The following CYP27C1 variants were observed in gnomAD, a reference collection of about 807,000 sequenced individuals.
The protein encoded by CYP27C1 is cytochrome P450 27C1.
A neutral mutation model predicts 40.6 loss-of-function variants in CYP27C1; 29 were observed. That is an observed-to-expected ratio of 0.71 (90% CI 0.53 to 0.97). The LOEUF is 0.97. CYP27C1 is among the 50% of genes least tolerant of loss of function. The probability of loss-of-function intolerance (pLI) is 0.00; values close to 1 mark genes in which losing one functional copy is unlikely to be tolerated. For synonymous variants in CYP27C1, 198 were observed against 186.8 expected (o/e 1.06, Z -0.49); for missense variants, 390 against 485.8 (o/e 0.80, Z 1.85).
At chr2:127,187,873 T>C (rs1481826685) in intron 8 of CYP27C1, among the ~76,000 whole-genome samples, 1 of 152,206 alleles carries the variant, frequency 6.6e-6, no homozygotes, top group African/African-American at 2.4e-5. Flanking sequence ...GCTACTATCC[T>C]GAATTTAAAT....
intron 1 of CYP27C1, among the ~76,000 whole-genome samples, chr2:127,206,531 C>G (rs1375983210): frequency 6.6e-6 from 1 of 152,180 alleles, no homozygotes; most frequent in Non-Finnish European, 1.5e-5. Context: ...TGGTCTCGAA[C>G]TCTTGGCCTC....
rs181975017 is a variant in CYP27C1 at position 127,196,176 on chromosome 2, C to T, written c.1048-675G>A. 2.6e-5 allele frequency among the ~76,000 whole-genome samples: 4 copies of T among 152,170 alleles called. No individual in the cohort carries two copies. The highest frequency in any genetic ancestry group is 2.0e-4 in the Admixed American group (3 of 15,290). ...CTCCCGGGTTCATGCCATTCTCCTGCCTCAGCCTCCCGAGTAGCTGGGACT... is the reference window on the plus strand; with the variant it reads ...CTCCCGGGTTCATGCCATTCTCCTGTCTCAGCCTCCCGAGTAGCTGGGACT... On this transcript the variant is annotated intron_variant, in intron 5 of 8. Coordinates refer to ENST00000664447, the MANE Select transcript of CYP27C1 (RefSeq NM_001367502.1). This position sits in a 1 kb window ranked among gnomAD's most constrained non-coding sequence, Gnocchi z 4.5.
rs1375231809 is a variant in CYP27C1 at position 127,209,019 on chromosome 2, G to T, written c.283-2929C>A. Among the ~76,000 whole-genome samples the T allele has an allele frequency of 6.6e-6, 1 of 152,144 alleles. No individual in the cohort carries two copies. The highest frequency in any genetic ancestry group is 1.9e-4 in the East Asian group (1 of 5,196). ...AAGGGACAAAGTGCTTTATTAAAAG[G>T]TTCTTGCTCCCCATGCCACCCAACT... is the stretch of plus-strand genomic sequence containing the variant. On this transcript the variant is annotated intron_variant, in intron 1 of 8. Transcript: ENST00000664447. This position sits in a 1 kb window ranked among gnomAD's most constrained non-coding sequence, Gnocchi z 4.1.
At chr2:127,189,831 C>A (rs74479529) in intron 8 of CYP27C1, among the ~76,000 whole-genome samples, 1 of 152,208 alleles carries the variant, frequency 6.6e-6, no homozygotes, top group South Asian at 2.1e-4. Flanking sequence ...GATGCCTTTC[C>A]GTTTTATACA....
In CYP27C1 at chr2:127,200,536, A is replaced by G. The variant is rs1191607236; in HGVS notation, c.883+586T>C. 6.6e-6 allele frequency among the ~76,000 whole-genome samples: 1 copy of G among 152,214 alleles called. No individual in the cohort carries two copies. The highest frequency in any genetic ancestry group is 1.5e-5 in the Non-Finnish European group (1 of 68,042). ...ACTGACCAATTTATTTGGAGTAAAGACATCATCTTGCATGGACATTTACTT... is the reference window on the plus strand; with the variant it reads ...ACTGACCAATTTATTTGGAGTAAAGGCATCATCTTGCATGGACATTTACTT... On this transcript the variant is annotated intron_variant, in intron 4 of 8. Coordinates refer to ENST00000664447, the MANE Select transcript of CYP27C1 (RefSeq NM_001367502.1). The surrounding 1 kb of genome is among the most constrained non-coding windows in gnomAD (Gnocchi z 4.2).
In CYP27C1 at chr2:127,204,531, A is replaced by AG. The variant is rs1558931239; in HGVS notation, c.474-961_474-960insC. 5.3e-3 allele frequency among the ~76,000 whole-genome samples: 246 copies of AG among 46,132 alleles called. 20 individuals are homozygous for AG. The highest frequency in any genetic ancestry group is 0.022 in the East Asian group (21 of 960). The allele number at this position is 46,132 out of a possible 152,430, so 30.3% of individuals were successfully genotyped here. ...AAAGAAAGAAGGAAAGAAAGAAAGA[A>AG]AGAAAGAGAGAGAGAGAGAGAGAGA... On this transcript the variant is annotated intron_variant, in intron 2 of 8. Transcript: ENST00000664447.
rs906372055 is a variant in CYP27C1, at chr2:127,208,028, C to T, written c.283-1938G>A. Reference sequence around the variant, plus strand: ...AGACCCAGAATAGCCTAAACAATCTCGAAAAAAGAACAAAGCTGGTGGACC... The same window carrying T: ...AGACCCAGAATAGCCTAAACAATCTTGAAAAAAGAACAAAGCTGGTGGACC... On this transcript the variant is annotated intron_variant, in intron 1 of 8. Coordinates refer to ENST00000664447, the MANE Select transcript of CYP27C1 (RefSeq NM_001367502.1). The surrounding 1 kb of genome is among the most constrained non-coding windows in gnomAD (Gnocchi z 5.2). 1.3e-5 allele frequency among the ~76,000 whole-genome samples: 2 copies of T among 152,044 alleles called. No homozygotes were observed. Among genetic ancestry groups the T allele is most frequent in the African/African-American group, 2.4e-5 (1 of 41,400 alleles).
chr2:127,216,794 A>G (rs1346548669), intron 1 of CYP27C1, among the ~76,000 whole-genome samples: 2 of 152,222 alleles, frequency 1.3e-5, no homozygotes, highest in East Asian at 3.8e-4. Context: ...CATGACACAG[A>G]CAGGGCTGGG....
In CYP27C1 at chr2:127,190,954, A is replaced by G. The variant is rs529542030; in HGVS notation, c.1497+2140T>C. Among the ~76,000 whole-genome samples the G allele has an allele frequency of 8.4e-3, 1,256 of 149,538 alleles. 10 individuals carry two copies. The highest frequency in any genetic ancestry group is 0.03 in the African/African-American group (1,197 of 40,508). ...GGGTGAGACTCTGAAAAAAAAAAAA[A>G]AAAATCATGGGCCAGGCACAGTGGC... On this transcript the variant is annotated intron_variant, in intron 8 of 8. Transcript: ENST00000664447.
rs558855469 is a variant in CYP27C1, at chr2:127,185,390, G to A, written c.*1881C>T. Reference sequence around the variant, plus strand: ...ATCCCCAGGCAGAGCCACACTTCACGAGAGGGTCACACTGTATGTATACCC... The same window carrying A: ...ATCCCCAGGCAGAGCCACACTTCACAAGAGGGTCACACTGTATGTATACCC... On this transcript the variant is annotated 3_prime_UTR_variant, in exon 9 of 9. Transcript: ENST00000664447. This position sits in a 1 kb window ranked among gnomAD's most constrained non-coding sequence, Gnocchi z 4.9. 1.3e-5 allele frequency: 2 copies of A among 152,230 alleles called. No homozygotes were observed. The highest frequency in any genetic ancestry group is 4.8e-5 in the African/African-American group (2 of 41,442). The allele number at this position is 152,230 out of a possible 1,614,324, so 9.4% of individuals were successfully genotyped here.
chr2:127,190,799 T>C (rs965001699), intron 8 of CYP27C1, among the ~76,000 whole-genome samples: 1 of 150,320 alleles, frequency 6.7e-6, no homozygotes, highest in Non-Finnish European at 1.5e-5. Flanking sequence ...TACAAAAAAT[T>C]AGCTGGGCAT....
At position 127,219,137 on chromosome 2, in the gene CYP27C1, A is replaced by C. The variant is rs1481364883; in HGVS notation, c.282+852T>G. ...CTCTTCCCCCGCCATTACAAAATACAAAAAGGACTAGAAATGAATACACAC... is the reference window on the plus strand; with the variant it reads ...CTCTTCCCCCGCCATTACAAAATACCAAAAGGACTAGAAATGAATACACAC... On this transcript the variant is annotated intron_variant, in intron 1 of 8. Transcript: ENST00000664447. The surrounding 1 kb of genome is among the most constrained non-coding windows in gnomAD (Gnocchi z 8.7). Among the ~76,000 whole-genome samples, 1 of 152,014 alleles carries C rather than the reference A, an allele frequency of 6.6e-6. No homozygotes were observed. Among genetic ancestry groups the C allele is most frequent in the East Asian group, 1.9e-4 (1 of 5,184 alleles).
At chr2:127,211,286 A>C (rs6738811) in intron 1 of CYP27C1, among the ~76,000 whole-genome samples, 26,589 of 151,866 alleles carry the variant, frequency 0.18, 2,812 homozygotes, top group East Asian at 0.29. Context: ...TTAAAGCAGA[A>C]ATCAAGAAGT....
At chr2:127,211,311 G>A (rs978229848) in intron 1 of CYP27C1, among the ~76,000 whole-genome samples, 2 of 148,036 alleles carry the variant, frequency 1.4e-5, no homozygotes, top group African/African-American at 5.0e-5. Context: ...TGAAACCAAT[G>A]AGAACAAAGA....
intron 1 of CYP27C1, among the ~76,000 whole-genome samples, chr2:127,210,502 C>T (rs1403188537): frequency 6.6e-6 from 1 of 152,086 alleles, no homozygotes; most frequent in Non-Finnish European, 1.5e-5. Flanking sequence ...ATCAAATTCG[C>T]ACATAACAAT....
At chr2:127,189,821 G>A (rs1263149278) in intron 8 of CYP27C1, among the ~76,000 whole-genome samples, 2 of 152,176 alleles carry the variant, frequency 1.3e-5, no homozygotes, top group Non-Finnish European at 2.9e-5. Context: ...GATATGTGAA[G>A]ATGCCTTTCC....
At chr2:127,214,639 TA>T (rs1217213054) in intron 1 of CYP27C1, among the ~76,000 whole-genome samples, 24 of 151,924 alleles carry the variant, frequency 1.6e-4, no homozygotes, top group Non-Finnish European at 3.2e-4. Context: ...TGAACACAGA[TA>T]GGGGAATAAC....
rs1200167336 is a variant in CYP27C1 at position 127,205,919 on chromosome 2, C to T, written c.454G>A (p.Ala152Thr). Residue 152 changes from alanine (A) to threonine (T), a missense_variant, in exon 2 of 9, where the codon GCC (alanine) becomes ACC (threonine). Physicochemically the swap from Ala to Thr is moderately conservative, Grantham distance 58 (BLOSUM62 0). Transcript: ENST00000664447. The part of the protein sequence containing the change: ...WREYRDLRGR[A>T]TGLISAEGEQ... ...ACTCACGCCGAGATGAGCCCGGTGGCTCTCCCCCGCAAGTCTCGGTACTCC... is the reference window on the plus strand; with the variant it reads ...ACTCACGCCGAGATGAGCCCGGTGGTTCTCCCCCGCAAGTCTCGGTACTCC... Among the ~76,000 whole-genome samples, 1 of 152,180 alleles carries T rather than the reference C, an allele frequency of 6.6e-6. No homozygotes were observed. The highest frequency in any genetic ancestry group is 2.4e-5 in the African/African-American group (1 of 41,456).
At chr2:127,213,507 C>T (rs1683372674) in intron 1 of CYP27C1, among the ~76,000 whole-genome samples, 1 of 152,058 alleles carries the variant, frequency 6.6e-6, no homozygotes, top group Non-Finnish European at 1.5e-5. Context: ...TCAGAAATAG[C>T]ACCACACATC....
Sources: gnomAD v4.1 joint callset for allele counts (sites outside exome capture counted in the v4.1 genomes callset) on GRCh38, gnomAD v4.1.1 for gene constraint, Gnocchi (gnomAD v3.1) non-coding constraint, MANE v1.5 for transcripts, NCBI Gene and HGNC (gene_info 2026-07-23, HGNC 2026-07-21) for gene names.